Variants in CSMD3 observed in about 807,000 individuals in gnomAD.
CSMD3 encodes the protein CUB and sushi domain-containing protein 3.
CSMD3 carries 177 observed loss-of-function variants against 435.2 expected under a neutral mutation model. The observed-to-expected ratio is 0.41, with a 90% CI of 0.36 to 0.46. The LOEUF is 0.46. Among genes scored for constraint, CSMD3 ranks in the 20% least tolerant of loss-of-function variants. The probability of loss-of-function intolerance (pLI) is 0.34; values close to 1 mark genes in which losing one functional copy is unlikely to be tolerated. For missense variants in CSMD3, 4,265 were observed against 4,504.6 expected (o/e 0.95, Z 1.52); for synonymous variants, 1,656 against 1,520.5 (o/e 1.09, Z -2.07).
At chr8:112,457,327 A>G (rs1216347481) in intron 32 of CSMD3, among the ~76,000 whole-genome samples, 1 of 152,114 alleles carries the variant, frequency 6.6e-6, no homozygotes, top group Non-Finnish European at 1.5e-5. Flanking sequence ...AAGAGAATTC[A>G]CAGGCGAGTG....
chr8:112,406,656 C>A lies in CSMD3; in HGVS notation c.5677G>T (p.Glu1893Ter). 1 of 1,612,514 alleles carries A rather than the reference C, an allele frequency of 6.2e-7. No individual in the cohort carries two copies. The highest frequency in any genetic ancestry group is 8.5e-7 in the Non-Finnish European group (1 of 1,178,894). Residue 1893 changes from glutamate to a stop codon, truncating the protein, a stop_gained, in exon 35 of 71, where the codon GAA becomes TAA. Transcript: ENST00000297405. LOFTEE classifies it high-confidence loss of function. ...AGAACCGATGAACCGACTGCAAATT[C>A]ATTGCCAATTCTTCTTCCGAATCTT... ...EPRFGRRIGN[E>*]FAVGSSVLFD...
At chr8:112,627,339 C>G (rs1834564766) in intron 22 of CSMD3, among the ~76,000 whole-genome samples, 2 of 152,062 alleles carry the variant, frequency 1.3e-5, no homozygotes, top group Non-Finnish European at 2.9e-5. Context: ...AATTCCAAAA[C>G]TAGGAAGAGG....
chr8:112,495,381 T>C (rs1482165800), intron 30 of CSMD3, among the ~76,000 whole-genome samples: 1 of 152,226 alleles, frequency 6.6e-6, no homozygotes, highest in African/African-American at 2.4e-5. Context: ...TTTTCCTCAA[T>C]GTTTCAATAT....
At chr8:113,375,071 G>C (rs952186083) in intron 1 of CSMD3, among the ~76,000 whole-genome samples, 2 of 152,022 alleles carry the variant, frequency 1.3e-5, no homozygotes, top group African/African-American at 2.4e-5. Flanking sequence ...GTTATATACA[G>C]AAGTTTACCA....
intron 2 of CSMD3, among the ~76,000 whole-genome samples, chr8:113,289,890 T>C (rs549022539): frequency 2.8e-3 from 418 of 151,906 alleles, no homozygotes; most frequent in African/African-American, 9.5e-3. Context: ...TCAAAATTTA[T>C]GGCTCCTTCT....
At chr8:112,583,981 C>T (rs1189652375) in intron 23 of CSMD3, among the ~76,000 whole-genome samples, 4 of 151,380 alleles carry the variant, frequency 2.6e-5, no homozygotes, top group African/African-American at 7.3e-5. Context: ...AGGATTTTCT[C>T]AGATGTTATT....
At chr8:112,630,546 T>C (rs2074486136) in intron 22 of CSMD3, among the ~76,000 whole-genome samples, 1 of 152,136 alleles carries the variant, frequency 6.6e-6, no homozygotes, top group Non-Finnish European at 1.5e-5. Context: ...ATTATTCTTA[T>C]GCTACTATGT....
At chr8:112,682,823 G>T (rs1186115609) in intron 15 of CSMD3, among the ~76,000 whole-genome samples, 187 bp from the exon 16 acceptor site, 1 of 152,026 alleles carries the variant, frequency 6.6e-6, no homozygotes, top group Non-Finnish European at 1.5e-5. Context: ...GTTTGCCTGT[G>T]ATGTGCAATA....
intron 5 of CSMD3, among the ~76,000 whole-genome samples, chr8:113,085,727 T>C (rs1416869145): frequency 1.3e-5 from 2 of 152,210 alleles, no homozygotes; most frequent in East Asian, 3.9e-4. Context: ...CTAAAAAAAA[T>C]GGTGCTCATA....
At chr8:113,184,914 A>G (rs1318943705) in intron 3 of CSMD3, among the ~76,000 whole-genome samples, 1 of 152,024 alleles carries the variant, frequency 6.6e-6, no homozygotes, top group Non-Finnish European at 1.5e-5. Flanking sequence ...ATAACCTTCC[A>G]GTTACTCTTT....
intron 32 of CSMD3, among the ~76,000 whole-genome samples, chr8:112,423,952 T>C (rs1812790879): frequency 6.6e-6 from 1 of 152,204 alleles, no homozygotes; most frequent in Non-Finnish European, 1.5e-5. Flanking sequence ...TAATATGCTA[T>C]AATTCCAATG....
intron 4 of CSMD3, among the ~76,000 whole-genome samples, chr8:113,136,525 T>G (rs1005897954): frequency 2.0e-5 from 3 of 151,700 alleles, no homozygotes; most frequent in Non-Finnish European, 2.9e-5. Flanking sequence ...TTGTCATGTT[T>G]AAGTCACAGA....
intron 3 of CSMD3, among the ~76,000 whole-genome samples, chr8:113,251,379 A>G (rs1563606701): frequency 6.6e-6 from 1 of 152,088 alleles, no homozygotes; most frequent in Non-Finnish European, 1.5e-5. Context: ...TACTGATCGC[A>G]CAACTAAAAT....
intron 13 of CSMD3, among the ~76,000 whole-genome samples, chr8:112,711,756 T>A (rs993002355): frequency 3.3e-5 from 5 of 152,096 alleles, no homozygotes; most frequent in African/African-American, 1.2e-4. Context: ...TTATTATGTG[T>A]TTATGTATTT....
At chr8:113,168,713 T>C (rs1451889318) in intron 4 of CSMD3, among the ~76,000 whole-genome samples, 1 of 151,892 alleles carries the variant, frequency 6.6e-6, no homozygotes, top group African/African-American at 2.4e-5. Flanking sequence ...AATAGAAATA[T>C]GGCACCAAAT....
chr8:113,003,906 T>C (rs2085958149), intron 6 of CSMD3, among the ~76,000 whole-genome samples: 2 of 152,064 alleles, frequency 1.3e-5, no homozygotes, highest in African/African-American at 4.8e-5. Context: ...GTGAATACAT[T>C]GGCCTTACCG....
chr8:113,002,365 T>G (rs906328638), intron 6 of CSMD3, among the ~76,000 whole-genome samples: 2 of 152,160 alleles, frequency 1.3e-5, no homozygotes, highest in African/African-American at 4.8e-5. Context: ...ATGCATTTAT[T>G]ATTTTTGATC....
At chr8:112,927,948 C>T (rs986383400) in intron 9 of CSMD3, among the ~76,000 whole-genome samples, 2 of 152,026 alleles carry the variant, frequency 1.3e-5, no homozygotes, top group African/African-American at 4.8e-5. Flanking sequence ...AATATTTATG[C>T]CAACTACTGC....
chr8:112,594,911 G>T (rs1271785849), intron 22 of CSMD3, among the ~76,000 whole-genome samples: 3 of 151,548 alleles, frequency 2.0e-5, no homozygotes, highest in Admixed American at 6.6e-5. Flanking sequence ...CACAAAGATG[G>T]GGAAAAAACA....
Sources: gnomAD v4.1 joint callset for allele counts (sites outside exome capture counted in the v4.1 genomes callset) on GRCh38, gnomAD v4.1.1 for gene constraint, MANE v1.5 for transcripts, NCBI Gene and HGNC (gene_info 2026-07-23, HGNC 2026-07-21) for gene names.